GEMIN5: variants seen among roughly 807,000 people sequenced by gnomAD.
The protein encoded by GEMIN5 is gem nuclear organelle associated protein 5.
A neutral mutation model predicts 176.9 loss-of-function variants in GEMIN5; 124 were observed. The ratio of observed to expected loss-of-function variants is 0.70; its 90% CI spans 0.61 to 0.81. The LOEUF (loss-of-function observed/expected upper bound fraction) is 0.81. Ranked by LOEUF, GEMIN5 falls within the 40% of genes least tolerant of loss-of-function variation. The pLI is 0.00. For missense variants in GEMIN5, 1,843 were observed against 1,814.6 expected, an observed-to-expected ratio of 1.02 and a Z score of -0.28; for synonymous variants, 673 against 665.2, an observed-to-expected ratio of 1.01 and a Z score of -0.18.
At chr5:154,907,848 A>C in intron 15 of GEMIN5, 30 bp from the exon 16 acceptor site, 2 of 1,525,628 alleles carry the variant, frequency 1.3e-6, no homozygotes, top group Non-Finnish European at 1.8e-6. Context: ...GGACTGACTA[A>C]AGTATACATT....
intron 25 of GEMIN5, among the ~76,000 whole-genome samples, chr5:154,891,972 C>G (rs1763240965): frequency 6.6e-6 from 1 of 152,158 alleles, no homozygotes; most frequent in African/African-American, 2.4e-5. Flanking sequence ...TCATTCAAAG[C>G]ATGATAGAGT....
chr5:154,889,357 T>C lies in GEMIN5; in HGVS notation c.4323A>G (p.Ala1441=). The change falls in exon 27 of 28, where the codon GCA becomes GCG. Residue 1441 remains alanine (A), a synonymous_variant. Transcript: ENST00000285873. ...CAGGAAATTTCGCCATTCTCTGATT[T>C]GCCTCGGTAAGCCTTTTGGTTAACT... ...LPELTKRLTE[A]NQRMAKFPES... 1.2e-6 allele frequency: 2 copies of C among 1,609,708 alleles called. No homozygotes were observed. Among genetic ancestry groups the C allele is most frequent in the Non-Finnish European group, 1.7e-6 (2 of 1,176,118 alleles).
At chr5:154,898,324 G>T in intron 23 of GEMIN5, 116 bp downstream of exon 23, 1 of 853,948 alleles carries the variant, frequency 1.2e-6, no homozygotes, top group Non-Finnish European at 2.0e-6. Context: ...GCCAGGGCTT[G>T]CTGGGCCTGC....
At position 154,937,953 on chromosome 5, in the gene GEMIN5, A is replaced by C; in HGVS notation, c.166+15T>G. The stretch of plus-strand genomic sequence containing the variant: ...CAAAGGGCAGTAAGTCTCGGGCCCA[A>C]GGGTGGTGAGTTACCTCGAAACGGG... On this transcript the variant is annotated intron_variant, in intron 1 of 27. Transcript: ENST00000285873. The C allele has an allele frequency of 1.3e-6, 2 of 1,561,182 alleles. No individual in the cohort carries two copies. Among genetic ancestry groups the C allele is most frequent in the South Asian group, 1.2e-5 (1 of 86,150 alleles).
intron 3 of GEMIN5, among the ~76,000 whole-genome samples, chr5:154,934,013 C>T (rs1304064336): frequency 6.6e-6 from 1 of 152,066 alleles, no homozygotes; most frequent in Non-Finnish European, 1.5e-5. Flanking sequence ...TGATCCATCA[C>T]TATCATTGAC....
At position 154,917,038 on chromosome 5, in the gene GEMIN5, G is replaced by A. The variant is rs1171397904; in HGVS notation, c.1815C>T (p.Asn605=). 1.2e-6 allele frequency: 2 copies of A among 1,604,406 alleles called. No homozygotes were observed. The highest frequency in any genetic ancestry group is 1.7e-6 in the Non-Finnish European group (2 of 1,173,000). The change falls in exon 13 of 28, where the codon AAC becomes AAT. Residue 605 remains asparagine, a synonymous_variant. Coordinates refer to ENST00000285873, the MANE Select transcript of GEMIN5 (RefSeq NM_015465.5). ...GGTTGTGCACGTAAATGACTGCATT[G>A]TTGGAGCCAGAGGCCATCAGATAGC... The part of the protein sequence containing the change: ...ELSYLMASGS[N]NAVIYVHNLK...
chr5:154,891,524 C>A lies in GEMIN5; in HGVS notation c.3979G>T (p.Asp1327Tyr). 6.2e-7 allele frequency: 1 copy of A among 1,614,148 alleles called. No individual in the cohort carries two copies. The change falls in exon 26 of 28, where the codon GAC (aspartate) becomes TAC (tyrosine). Residue 1327 changes from aspartate to tyrosine, a missense_variant. By Grantham distance (160) the Asp-to-Tyr change is radical. Transcript: ENST00000285873. ...QLDTASTEET[D>Y]PETSQPEPNR... Reference sequence around the variant, plus strand: ...GGCTCTGGCTGAGAAGTTTCAGGGTCCGTTTCTTCAGTGCTGGCAGTGTCT... The same window carrying A: ...GGCTCTGGCTGAGAAGTTTCAGGGTACGTTTCTTCAGTGCTGGCAGTGTCT...
intron 3 of GEMIN5, among the ~76,000 whole-genome samples, chr5:154,932,599 G>C (rs1055101323): frequency 1.4e-4 from 21 of 152,076 alleles, no homozygotes; most frequent in African/African-American, 5.1e-4. Context: ...TTCCTTCTCT[G>C]TTGCCCAGGC....
chr5:154,893,151 G>A (rs1763273337), intron 24 of GEMIN5, among the ~76,000 whole-genome samples: 1 of 148,568 alleles, frequency 6.7e-6, no homozygotes, highest in Non-Finnish European at 1.5e-5. Context: ...ACTAAAAGCT[G>A]TAATTAAAAA....
chr5:154,927,422 T>C lies in GEMIN5; in HGVS notation c.1043A>G (p.Asp348Gly). 1.3e-6 allele frequency: 2 copies of C among 1,590,450 alleles called. No homozygotes were observed. The highest frequency in any genetic ancestry group is 1.7e-6 in the Non-Finnish European group (2 of 1,158,214). ...FNLCPLQTED[D>G]KQLLLSTSMD... ...TGATGTAGAAAGTAATAGCTGTTTG[T>C]CATCCTCTGTTTGTAAAGGACATAA... Residue 348 changes from aspartate to glycine, a missense_variant, in exon 7 of 28, where the codon GAC becomes GGC. Asp to Gly is a moderately conservative substitution (Grantham distance 94, BLOSUM62 -1). Coordinates refer to ENST00000285873, the MANE Select transcript of GEMIN5 (RefSeq NM_015465.5).
intron 26 of GEMIN5, among the ~76,000 whole-genome samples, chr5:154,890,148 T>C (rs1458056183): frequency 4.6e-5 from 7 of 152,238 alleles, no homozygotes; most frequent in Admixed American, 1.3e-4. Flanking sequence ...TCTCTGATAG[T>C]AGCCTAATGG....
In GEMIN5 at chr5:154,893,893, G is replaced by A. The variant is rs1049300477; in HGVS notation, c.3598-1344C>T. 6.6e-5 allele frequency among the ~76,000 whole-genome samples: 10 copies of A among 152,182 alleles called. No individual in the cohort carries two copies. The Middle Eastern group carries it at 0.01, about 155-fold the overall frequency. ...AGAGTGGCTGGGACTACAGGAGCCCGCCACCACGCGCGGCTAACACCGATA... is the reference window on the plus strand; with the variant it reads ...AGAGTGGCTGGGACTACAGGAGCCCACCACCACGCGCGGCTAACACCGATA... On this transcript the variant is annotated intron_variant, in intron 24 of 27. Transcript: ENST00000285873.
chr5:154,897,914 G>GTTTTTTTTTTTTTTTTT (rs35458616), intron 23 of GEMIN5, among the ~76,000 whole-genome samples: 1 of 124,510 alleles, frequency 8.0e-6, no homozygotes, highest in Non-Finnish European at 1.6e-5. Flanking sequence ...TTTTTTTTGT[G>GTTTTTTTTTTTTTTTTT]TTTTTTTTTT....
intron 18 of GEMIN5, among the ~76,000 whole-genome samples, chr5:154,903,736 G>C (rs1397290514): frequency 6.6e-6 from 1 of 152,024 alleles, no homozygotes; most frequent in Non-Finnish European, 1.5e-5. Flanking sequence ...TAGGGTAGTG[G>C]GAGACAGTAA....
chr5:154,922,021 G>C (rs189450360), intron 9 of GEMIN5, among the ~76,000 whole-genome samples: 1 of 152,254 alleles, frequency 6.6e-6, no homozygotes, highest in Non-Finnish European at 1.5e-5. Flanking sequence ...TATGATTGTA[G>C]AATTCCAGAG....
At chr5:154,921,911 G>A (rs17562321) in intron 9 of GEMIN5, among the ~76,000 whole-genome samples, 11,090 of 152,176 alleles carry the variant, frequency 0.073, 464 homozygotes, top group Middle Eastern at 0.11. Flanking sequence ...AGGTTGTTGT[G>A]GTAATGATAT....
chr5:154,922,604 T>G (rs543086037), intron 9 of GEMIN5, among the ~76,000 whole-genome samples: 1 of 152,280 alleles, frequency 6.6e-6, no homozygotes, highest in African/African-American at 2.4e-5. Flanking sequence ...CAGGATATAA[T>G]AATTTAATAG....
intron 15 of GEMIN5, among the ~76,000 whole-genome samples, chr5:154,909,201 T>TG (rs1561717286): frequency 7.5e-6 from 1 of 133,510 alleles, no homozygotes; most frequent in Non-Finnish European, 1.5e-5. Context: ...ATCAAACACC[T>TG]GGGCTCAAGT....
At chr5:154,936,462 T>C (rs369512792) in intron 2 of GEMIN5, among the ~76,000 whole-genome samples, 6 of 152,192 alleles carry the variant, frequency 3.9e-5, no homozygotes, top group South Asian at 2.1e-4. Flanking sequence ...AGTACTTCTA[T>C]AGCAACACGA....
Sources: allele counts gnomAD v4.1 joint callset (sites outside exome capture counted in the v4.1 genomes callset), GRCh38; gene constraint gnomAD v4.1.1; transcripts MANE v1.5; gene names NCBI Gene and HGNC (gene_info 2026-07-23, HGNC 2026-07-21).